HPS5: variants seen among roughly 807,000 people sequenced by gnomAD.
HPS5 encodes HPS5 biogenesis of lysosomal organelles complex 2 subunit 2, also known as BLOC-2 complex member HPS5.
Under a neutral mutation model 128.0 loss-of-function variants are expected in HPS5, and 83 were observed. The ratio of observed to expected loss-of-function variants is 0.65; its 90% CI spans 0.54 to 0.78. The LOEUF is 0.78. Ranked by LOEUF, HPS5 falls within the 30% of genes least tolerant of loss-of-function variation. HPS5 has a pLI of 0.00. For synonymous variants in HPS5, 475 were observed against 470.2 expected (o/e 1.01, Z -0.13); for missense variants, 1,281 against 1,326.2 (o/e 0.97, Z 0.53).
In HPS5 at chr11:18,321,885, C is replaced by T. The variant is rs902419981; in HGVS notation, c.-50+61G>A. 5.9e-5 allele frequency: 9 copies of T among 152,254 alleles called. No homozygotes were observed. In the East Asian group the frequency reaches 1.2e-3, roughly 20 times the overall value. 9.4% of individuals were successfully genotyped at this position (152,254 alleles called of 1,614,324 possible). On this transcript the variant is annotated intron_variant, in intron 1 of 22. Transcript: ENST00000349215. ...GGACCTGAACACACCGCTAGAGACA[C>T]AGGGATGAACAAAACACAATCCCTA...
chr11:18,298,464 C>A (rs1314899107), intron 10 of HPS5, among the ~76,000 whole-genome samples: 1 of 152,184 alleles, frequency 6.6e-6, no homozygotes, highest in African/African-American at 2.4e-5. Context: ...CACTGCACTC[C>A]AGCCTGGGTG....
chr11:18,314,041 C>T (rs1413100088), intron 2 of HPS5, among the ~76,000 whole-genome samples: 2 of 152,040 alleles, frequency 1.3e-5, no homozygotes, highest in Non-Finnish European at 2.9e-5. Context: ...GAAACCCTAT[C>T]TCTAAAAAAT....
intron 12 of HPS5, 22 bp downstream of exon 12, chr11:18,296,776 C>G: frequency 6.2e-7 from 1 of 1,611,364 alleles, no homozygotes; most frequent in Non-Finnish European, 8.5e-7. Context: ...CATCAGGAAC[C>G]AACAACAGAC....
At chr11:18,283,377 T>G (rs1312047027) in intron 21 of HPS5, among the ~76,000 whole-genome samples, 1 of 151,350 alleles carries the variant, frequency 6.6e-6, no homozygotes, top group East Asian at 1.9e-4. Context: ...GAGGAAGTCC[T>G]TGGTCTGAAC....
chr11:18,315,470 G>A (rs373702726), intron 2 of HPS5, among the ~76,000 whole-genome samples: 7 of 152,126 alleles, frequency 4.6e-5, no homozygotes, highest in East Asian at 1.9e-4. Context: ...AAAATTAGCC[G>A]GGCGTGGTGG....
In HPS5 at chr11:18,306,251, T is replaced by C; in HGVS notation, c.708A>G (p.Ile236Met). ...GRCSGGQQPLIYCARPGSRMW... is the reference protein window; with the variant it reads ...GRCSGGQQPLMYCARPGSRMW... ...TCCTAGAGCCTGGGCGAGCACAATA[T>C]ATCAGAGGTTGCTGGCCCCCAGAAC... is the stretch of plus-strand genomic sequence containing the variant. Residue 236 changes from isoleucine to methionine, a missense_variant, in exon 7 of 23, where the codon ATA becomes ATG. Physicochemically the swap from Ile to Met is conservative, Grantham distance 10 (BLOSUM62 1). Transcript: ENST00000349215. The C allele has an allele frequency of 6.2e-7, 1 of 1,613,910 alleles. No homozygotes were observed. Among genetic ancestry groups the C allele is most frequent in the East Asian group, 2.2e-5 (1 of 44,888 alleles).
At chr11:18,299,129 A>G (rs771364992) in intron 9 of HPS5, among the ~76,000 whole-genome samples, 159 bp from the exon 10 acceptor site, 2 of 152,250 alleles carry the variant, frequency 1.3e-5, no homozygotes, top group African/African-American at 2.4e-5. Context: ...TGAAGAAATC[A>G]TATTTTAGAA....
intron 2 of HPS5, among the ~76,000 whole-genome samples, chr11:18,313,784 C>T (rs1863276704): frequency 6.6e-6 from 1 of 151,906 alleles, no homozygotes; most frequent in Non-Finnish European, 1.5e-5. Context: ...TGTGGCAGTG[C>T]GTGCCTGTAA....
At chr11:18,301,644 A>G (rs1324615571) in intron 8 of HPS5, among the ~76,000 whole-genome samples, 2 of 152,116 alleles carry the variant, frequency 1.3e-5, no homozygotes, top group East Asian at 3.9e-4. Context: ...TTTTAAGAAC[A>G]GTAATATTTT....
In HPS5 at chr11:18,308,806, AC is replaced by A. The variant is rs1425146444; in HGVS notation, c.611+139del. ...ACTCCAGCCTGAGTGACAGAGTGAG[AC>A]CCCATCTCAAAAAAAGAAAAAAAAG... On this transcript the variant is annotated intron_variant, in intron 6 of 22. Transcript: ENST00000349215. 4.0e-6 allele frequency: 3 copies of A among 756,142 alleles called. No homozygotes were observed. In the African/African-American group the frequency reaches 5.5e-5, roughly 14 times the overall value. The allele number at this position is 756,142 out of a possible 1,614,324, so 46.8% of individuals were successfully genotyped here.
At position 18,296,076 on chromosome 11, in the gene HPS5, T is replaced by C. The variant is rs1410912218; in HGVS notation, c.1557A>G (p.Glu519=). 6.2e-7 allele frequency: 1 copy of C among 1,613,304 alleles called. No homozygotes were observed. Residue 519 remains glutamate (E), a synonymous_variant, in exon 13 of 23, where the codon GAA becomes GAG. Transcript: ENST00000349215. ...ATGGAATGCCGAACGGGAGAAAAGTTTCATTCTTATCTGTCTCAAACATCA... is the reference window on the plus strand; with the variant it reads ...ATGGAATGCCGAACGGGAGAAAAGTCTCATTCTTATCTGTCTCAAACATCA... The part of the protein sequence containing the change: ...APVMFETDKN[E]TFLPFGIPLP...
chr11:18,316,933 ACCTGTAAT>A (rs1392327581), intron 2 of HPS5, among the ~76,000 whole-genome samples: 1 of 152,132 alleles, frequency 6.6e-6, no homozygotes, highest in East Asian at 1.9e-4. Context: ...AAGTGATAAA[ACCTGTAAT>A]CCCAGCACTT....
intron 15 of HPS5, among the ~76,000 whole-genome samples, chr11:18,292,276 C>T (rs550991955): frequency 1.8e-4 from 27 of 147,668 alleles, no homozygotes; most frequent in African/African-American, 6.3e-4. Flanking sequence ...ATGGCACAAA[C>T]ATAGCTCACT....
intron 9 of HPS5, among the ~76,000 whole-genome samples, chr11:18,299,726 G>T (rs1489120156): frequency 1.3e-5 from 2 of 152,170 alleles, no homozygotes; most frequent in Non-Finnish European, 2.9e-5. Flanking sequence ...GGGAGTCAAA[G>T]TAAGACTTCT....
rs1864444854 is a variant in HPS5, at chr11:18,322,094, A to T, written c.-198T>A. 1 of 152,364 alleles carries T rather than the reference A, an allele frequency of 6.6e-6. No individual in the cohort carries two copies. Among genetic ancestry groups the T allele is most frequent in the Non-Finnish European group, 1.5e-5 (1 of 68,134 alleles). The allele number at this position is 152,364 out of a possible 1,614,324, so 9.4% of individuals were successfully genotyped here. A position where few individuals can be genotyped will look rare whatever the true frequency, so the allele number is the denominator to read the frequency against. ...GGCAGTACCTCGCAGCTCTCAGTAG[A>T]TCGGATCTTGTCTCCCGGCTTAGCG... On this transcript the variant is annotated 5_prime_UTR_variant, in exon 1 of 23. Transcript: ENST00000349215.
At position 18,319,038 on chromosome 11, in the gene HPS5, T is replaced by C. The variant is rs191341471; in HGVS notation, c.-49-1131A>G. On this transcript the variant is annotated intron_variant, in intron 1 of 22. Coordinates refer to ENST00000349215, the MANE Select transcript of HPS5 (RefSeq NM_181507.2). ...CACCTTGACCTCTGCAAGGAGAATG[T>C]TCAGGAAAAAAAAAAAGAAAAAACC... 3.3e-5 allele frequency among the ~76,000 whole-genome samples: 5 copies of C among 151,832 alleles called. No homozygotes were observed. In the East Asian group the frequency reaches 9.7e-4, roughly 29 times the overall value.
intron 7 of HPS5, 146 bp from the exon 8 acceptor site, chr11:18,305,639 T>C (rs1275574885): frequency 8.7e-6 from 5 of 574,318 alleles, no homozygotes; most frequent in Non-Finnish European, 1.5e-5. Flanking sequence ...ACACTAATCA[T>C]AGGAGAGGTA....
chr11:18,312,080 T>A, intron 2 of HPS5, 56 bp from the exon 3 acceptor site: 1 of 1,309,004 alleles, frequency 7.6e-7, no homozygotes, highest in East Asian at 2.3e-5. Flanking sequence ...CCAAATAGAC[T>A]ATCCACTGAA....
chr11:18,303,533 C>G (rs1861976563), intron 8 of HPS5, among the ~76,000 whole-genome samples: 1 of 152,196 alleles, frequency 6.6e-6, no homozygotes, highest in African/African-American at 2.4e-5. Context: ...TAAATAGCTA[C>G]AGCCAAAAGA....
Sources: gnomAD v4.1 joint callset for allele counts (sites outside exome capture counted in the v4.1 genomes callset) on GRCh38, gnomAD v4.1.1 for gene constraint, MANE v1.5 for transcripts, NCBI Gene and HGNC (gene_info 2026-07-23, HGNC 2026-07-21) for gene names.